COL23A1: variants seen among roughly 807,000 people sequenced by gnomAD.
COL23A1 encodes the protein collagen alpha-1(XXIII) chain.
In COL23A1, 97 loss-of-function variants were observed where a neutral mutation model predicts 99.3. The observed-to-expected ratio is 0.98, with a 90% CI of 0.83 to 1.16. The LOEUF (loss-of-function observed/expected upper bound fraction) is 1.16, where lower values mean the gene tolerates loss of function less well. Among genes scored for constraint, COL23A1 ranks in the 50% most tolerant of loss-of-function variants. The pLI, the probability that COL23A1 is intolerant of heterozygous loss-of-function variation, is 0.00. For missense variants in COL23A1, 762 were observed against 757.4 expected (o/e 1.01, Z -0.07); for synonymous variants, 320 against 308.2 (o/e 1.04, Z -0.40).
In COL23A1 at chr5:178,589,008, T is replaced by C. The variant is rs1764133965; in HGVS notation, c.294+896A>G. On this transcript the variant is annotated intron_variant, in intron 1 of 28. Coordinates refer to ENST00000390654, the MANE Select transcript of COL23A1 (RefSeq NM_173465.4). The surrounding 1 kb of genome is among the most constrained non-coding windows in gnomAD (Gnocchi z 5.4). Reference sequence around the variant, plus strand: ...GCTCTGGCCAGCCCACCAGGGCCTGTCCAGTTTCGTGGGGAGGGGAACTGC... The same window carrying C: ...GCTCTGGCCAGCCCACCAGGGCCTGCCCAGTTTCGTGGGGAGGGGAACTGC... 6.6e-6 allele frequency among the ~76,000 whole-genome samples: 1 copy of C among 152,132 alleles called. No homozygotes were observed. Among genetic ancestry groups the C allele is most frequent in the Non-Finnish European group, 1.5e-5 (1 of 68,028 alleles).
chr5:178,500,424 C>CCAAAAAAA (rs1554184902), intron 2 of COL23A1, among the ~76,000 whole-genome samples: 1 of 65,696 alleles, frequency 1.5e-5, no homozygotes. Context: ...CCCATCTCTA[C>CCAAAAAAA]AAAAAAAAAA....
chr5:178,478,089 T>A (rs1581466269), intron 2 of COL23A1, among the ~76,000 whole-genome samples: 1 of 152,072 alleles, frequency 6.6e-6, no homozygotes, highest in Admixed American at 6.6e-5. Context: ...GGTGGGGCGG[T>A]CCTGCAGGGC....
At chr5:178,372,346 A>G (rs1237308919) in intron 2 of COL23A1, among the ~76,000 whole-genome samples, 1 of 152,202 alleles carries the variant, frequency 6.6e-6, no homozygotes, top group African/African-American at 2.4e-5. Context: ...TAAAGTTTTT[A>G]GTCCGAGGGC....
At position 178,590,019 on chromosome 5, in the gene COL23A1, G is replaced by A. The variant is rs771793414; in HGVS notation, c.179C>T (p.Ala60Val). 71 of 1,353,556 alleles carry A rather than the reference G, an allele frequency of 5.2e-5. No individual in the cohort carries two copies. Among genetic ancestry groups the A allele is most frequent in the Non-Finnish European group, 6.7e-5 (71 of 1,051,886 alleles). 83.8% of individuals were successfully genotyped at this position (1,353,556 alleles called of 1,614,324 possible). A position where few individuals can be genotyped will look rare whatever the true frequency, so the allele number is the denominator to read the frequency against. The change falls in exon 1 of 29, where the codon GCG becomes GTG. Residue 60 changes from alanine to valine, a missense_variant. By Grantham distance (64) the Ala-to-Val change is moderately conservative. Transcript: ENST00000390654. The surrounding 1 kb of genome is among the most constrained non-coding windows in gnomAD (Gnocchi z 5.7). ...GAGCGCCGCCACCCGGCCCTGCAGC[G>A]CGGCCGCCTGGACACCCAGCAGCAG... ...ACLLLGVQAA[A>V]LQGRVAALEE...
intron 3 of COL23A1, among the ~76,000 whole-genome samples, chr5:178,291,289 A>G (rs1757444741): frequency 6.6e-6 from 1 of 152,180 alleles, no homozygotes; most frequent in Admixed American, 6.5e-5. Context: ...GCCAGGAGCC[A>G]TGGGGGTAAC....
At chr5:178,467,892 C>T (rs1171485519) in intron 2 of COL23A1, among the ~76,000 whole-genome samples, 1 of 152,202 alleles carries the variant, frequency 6.6e-6, no homozygotes, top group African/African-American at 2.4e-5. Flanking sequence ...CGAGGCCTGC[C>T]TTCCATGCTA....
At chr5:178,377,716 C>T (rs1402847259) in intron 2 of COL23A1, among the ~76,000 whole-genome samples, 1 of 152,150 alleles carries the variant, frequency 6.6e-6, no homozygotes, top group African/African-American at 2.4e-5. Context: ...GTCACGGTCA[C>T]AGTCTGTCAC....
chr5:178,580,599 A>C (rs569888272), intron 1 of COL23A1, among the ~76,000 whole-genome samples: 1 of 152,326 alleles, frequency 6.6e-6, no homozygotes, highest in Non-Finnish European at 1.5e-5. Flanking sequence ...AAACTGCATA[A>C]GGGAGAAAGC....
chr5:178,268,753 G>A lies in COL23A1; in HGVS notation c.472C>T (p.Leu158Phe). 3.1e-6 allele frequency: 5 copies of A among 1,603,780 alleles called. No homozygotes were observed. Among genetic ancestry groups the A allele is most frequent in the Non-Finnish European group, 4.3e-6 (5 of 1,173,666 alleles). ...ACCTTTTCCCCTTTCGGGCCTGGAA[G>A]TCCCTGGAAAAGGAAAGTGGAGAAA... ...GPLGLDGKPG[L>F]PGPKGEKGAP... The change falls in exon 7 of 29, where the codon CTT (leucine) becomes TTT (phenylalanine). Residue 158 changes from leucine to phenylalanine, a missense_variant. Physicochemically the swap from Leu to Phe is conservative, Grantham distance 22 (BLOSUM62 0). Transcript: ENST00000390654.
chr5:178,469,231 G>A (rs1287518388), intron 2 of COL23A1, among the ~76,000 whole-genome samples: 1 of 152,156 alleles, frequency 6.6e-6, no homozygotes, highest in African/African-American at 2.4e-5. Flanking sequence ...ACCTGTCTGG[G>A]TCTCCGTGTT....
chr5:178,364,405 G>GC (rs1762345944), intron 2 of COL23A1, among the ~76,000 whole-genome samples: 1 of 151,838 alleles, frequency 6.6e-6, no homozygotes, highest in African/African-American at 2.4e-5. Flanking sequence ...AGCTGAGGGT[G>GC]AAGCAGGCCC....
At chr5:178,400,208 T>C (rs1764364256) in intron 2 of COL23A1, among the ~76,000 whole-genome samples, 1 of 151,222 alleles carries the variant, frequency 6.6e-6, no homozygotes, top group Non-Finnish European at 1.5e-5. Context: ...CTACTAAAAA[T>C]ACAAAAAAAT....
At chr5:178,263,655 T>C (rs978792694) in intron 8 of COL23A1, among the ~76,000 whole-genome samples, 12 of 152,202 alleles carry the variant, frequency 7.9e-5, no homozygotes, top group African/African-American at 2.9e-4. Flanking sequence ...CTGCCCCCTC[T>C]TCTTTCTAGA....
chr5:178,467,470 C>T (rs952979500), intron 2 of COL23A1, among the ~76,000 whole-genome samples: 10 of 152,178 alleles, frequency 6.6e-5, no homozygotes, highest in Non-Finnish European at 1.2e-4. Flanking sequence ...CCGGACTACA[C>T]GGAGGCAGTT....
At chr5:178,371,589 A>C (rs1451749544) in intron 2 of COL23A1, among the ~76,000 whole-genome samples, 3 of 152,168 alleles carry the variant, frequency 2.0e-5, no homozygotes, top group Non-Finnish European at 4.4e-5. Context: ...CACTGTCACC[A>C]ACCCCTGGGC....
At chr5:178,349,395 G>C (rs961771450) in intron 2 of COL23A1, among the ~76,000 whole-genome samples, 1 of 152,118 alleles carries the variant, frequency 6.6e-6, no homozygotes, top group African/African-American at 2.4e-5. Flanking sequence ...TTGATAACCC[G>C]GGTGATGCTG....
Position 178,376,280 on chromosome 5 carries a change from A to T in COL23A1, c.362-69361T>A, listed in dbSNP as rs76929722. 8.7e-3 allele frequency among the ~76,000 whole-genome samples: 1,325 copies of T among 152,318 alleles called. 22 individuals are homozygous for T. Among genetic ancestry groups the T allele is most frequent in the African/African-American group, 0.03 (1,260 of 41,576 alleles). ...CGGGTTTCCGTCTGTTTTGTTATTTAGGTATTCTCTGCTATTGGTTGGTGC... is the reference window on the plus strand; with the variant it reads ...CGGGTTTCCGTCTGTTTTGTTATTTTGGTATTCTCTGCTATTGGTTGGTGC... On this transcript the variant is annotated intron_variant, in intron 2 of 28. Coordinates refer to ENST00000390654, the MANE Select transcript of COL23A1 (RefSeq NM_173465.4).
chr5:178,549,988 T>C (rs919872264), intron 2 of COL23A1, among the ~76,000 whole-genome samples: 6 of 152,200 alleles, frequency 3.9e-5, no homozygotes, highest in African/African-American at 1.4e-4. Flanking sequence ...AATTATTTTT[T>C]AATATTAAGT....
intron 1 of COL23A1, among the ~76,000 whole-genome samples, chr5:178,582,937 A>G (rs1380164190): frequency 6.6e-6 from 1 of 152,198 alleles, no homozygotes; most frequent in Non-Finnish European, 1.5e-5. Context: ...ACCCACACAC[A>G]GGGTTCGCAG....
Sources: gnomAD v4.1 joint callset for allele counts (sites outside exome capture counted in the v4.1 genomes callset) on GRCh38, gnomAD v4.1.1 for gene constraint, Gnocchi (gnomAD v3.1) non-coding constraint, MANE v1.5 for transcripts, NCBI Gene and HGNC (gene_info 2026-07-23, HGNC 2026-07-21) for gene names.